C8orf34: variants seen among roughly 807,000 people sequenced by gnomAD.
C8orf34 encodes chromosome 8 open reading frame 34.
A neutral mutation model predicts 68.3 loss-of-function variants in C8orf34; 65 were observed. That is an observed-to-expected ratio of 0.95 (90% CI 0.78 to 1.17). The LOEUF is 1.17. C8orf34 is among the 50% of genes most tolerant of loss of function. C8orf34 has a pLI of 0.00. For missense variants in C8orf34, 664 were observed against 655.4 expected, an observed-to-expected ratio of 1.01 and a Z score of -0.14; for synonymous variants, 244 against 241.2, an observed-to-expected ratio of 1.01 and a Z score of -0.11.
intron 5 of C8orf34, among the ~76,000 whole-genome samples, chr8:68,515,835 A>AG (rs1453905734): frequency 6.6e-6 from 1 of 152,246 alleles, no homozygotes; most frequent in Non-Finnish European, 1.5e-5. Context: ...GCCTTCAGCC[A>AG]GTACACACAA....
intron 8 of C8orf34, among the ~76,000 whole-genome samples, chr8:68,690,808 A>G (rs993833302): frequency 2.0e-5 from 3 of 152,092 alleles, no homozygotes; most frequent in African/African-American, 4.8e-5. Flanking sequence ...CTTTTACGTT[A>G]GCTTGAACAA....
intron 8 of C8orf34, among the ~76,000 whole-genome samples, chr8:68,680,889 T>C (rs1158347651): frequency 6.6e-6 from 1 of 152,058 alleles, no homozygotes; most frequent in Non-Finnish European, 1.5e-5. Context: ...TCTCAGTCCT[T>C]ATCTCAATGG....
intron 10 of C8orf34, among the ~76,000 whole-genome samples, chr8:68,750,301 C>A (rs1306989748): frequency 1.3e-5 from 2 of 152,014 alleles, no homozygotes; most frequent in African/African-American, 4.8e-5. Flanking sequence ...TTGCATGCTG[C>A]AACATGGAAG....
intron 7 of C8orf34, among the ~76,000 whole-genome samples, chr8:68,630,860 G>C (rs1034699307): frequency 1.3e-5 from 2 of 151,476 alleles, no homozygotes; most frequent in Admixed American, 1.3e-4. Context: ...GCTCACTGCA[G>C]CCTCAACCTC....
At chr8:68,524,880 C>T (rs181512082) in intron 6 of C8orf34, among the ~76,000 whole-genome samples, 11 of 152,228 alleles carry the variant, frequency 7.2e-5, no homozygotes, top group African/African-American at 2.6e-4. Context: ...TAAATATGCT[C>T]ATTAAGCCTT....
chr8:68,391,758 T>C (rs1331292651), intron 1 of C8orf34, among the ~76,000 whole-genome samples: 3 of 152,094 alleles, frequency 2.0e-5, no homozygotes, highest in Non-Finnish European at 4.4e-5. Flanking sequence ...TCAGAACATA[T>C]CTAAAATGTG....
At chr8:68,797,889 C>CT (rs921431837) in intron 12 of C8orf34, among the ~76,000 whole-genome samples, 1 of 152,092 alleles carries the variant, frequency 6.6e-6, no homozygotes, top group African/African-American at 2.4e-5. Flanking sequence ...GACTTTGGTG[C>CT]TTTGTTAGTA....
At chr8:68,435,693 A>G (rs1464870445) in intron 1 of C8orf34, among the ~76,000 whole-genome samples, 4 of 152,152 alleles carry the variant, frequency 2.6e-5, no homozygotes, top group Non-Finnish European at 4.4e-5. Context: ...TTCACTGGGA[A>G]ACTCTAACTC....
intron 8 of C8orf34, among the ~76,000 whole-genome samples, chr8:68,650,196 G>C (rs866934311): frequency 1.3e-5 from 2 of 152,106 alleles, no homozygotes; most frequent in South Asian, 4.2e-4. Flanking sequence ...TGTCTGAGGT[G>C]ATACCCGAGG....
At chr8:68,445,429 T>G (rs1811080157) in intron 2 of C8orf34, among the ~76,000 whole-genome samples, 1 of 152,098 alleles carries the variant, frequency 6.6e-6, no homozygotes, top group Non-Finnish European at 1.5e-5. Flanking sequence ...TCAGGTGATA[T>G]GGGGATGAGG....
At chr8:68,575,574 A>G (rs1458549409) in intron 7 of C8orf34, among the ~76,000 whole-genome samples, 2 of 152,118 alleles carry the variant, frequency 1.3e-5, no homozygotes, top group African/African-American at 2.4e-5. Flanking sequence ...TTGAAGTAAA[A>G]ATAAATATAT....
chr8:68,570,271 T>G (rs941862999), intron 7 of C8orf34, among the ~76,000 whole-genome samples: 1 of 152,180 alleles, frequency 6.6e-6, no homozygotes. Context: ...TCCATATATA[T>G]TTGCAATTAC....
At chr8:68,549,526 T>C (rs1272933850) in intron 7 of C8orf34, among the ~76,000 whole-genome samples, 1 of 151,740 alleles carries the variant, frequency 6.6e-6, no homozygotes, top group African/African-American at 2.4e-5. Context: ...CATAATATTA[T>C]ACACTTAGTA....
At chr8:68,654,294 G>A (rs1379748871) in intron 8 of C8orf34, among the ~76,000 whole-genome samples, 1 of 152,140 alleles carries the variant, frequency 6.6e-6, no homozygotes, top group African/African-American at 2.4e-5. Flanking sequence ...TTCTGTTGTT[G>A]ATAAATTACC....
chr8:68,357,101 A>G (rs1258388495), intron 1 of C8orf34, among the ~76,000 whole-genome samples: 1 of 152,018 alleles, frequency 6.6e-6, no homozygotes, highest in African/African-American at 2.4e-5. Context: ...TGTTTTGGTC[A>G]TTTTATTTTT....
chr8:68,669,799 G>A (rs1178421493), intron 8 of C8orf34, among the ~76,000 whole-genome samples: 2 of 152,108 alleles, frequency 1.3e-5, no homozygotes, highest in Admixed American at 1.3e-4. Flanking sequence ...ACAGAAAATT[G>A]GAGTGATGGA....
intron 8 of C8orf34, among the ~76,000 whole-genome samples, chr8:68,687,289 G>T (rs1194134683): frequency 6.6e-6 from 1 of 151,868 alleles, no homozygotes; most frequent in African/African-American, 2.4e-5. Context: ...ACCAAAAAAA[G>T]AGCCTGAATA....
chr8:68,445,265 A>AGAGAAAAGACTTATGAGTG (rs1563444626), intron 2 of C8orf34, among the ~76,000 whole-genome samples: 1 of 151,892 alleles, frequency 6.6e-6, no homozygotes, highest in Non-Finnish European at 1.5e-5. Context: ...ATAAGTGAGT[A>AGAGAAAAGACTTATGAGTG]GCCAGAGAAA....
intron 7 of C8orf34, among the ~76,000 whole-genome samples, chr8:68,553,843 G>A (rs1339499729): frequency 1.3e-5 from 2 of 150,596 alleles, no homozygotes; most frequent in East Asian, 3.9e-4. Flanking sequence ...TGACTGTGAA[G>A]TAATAAATAT....
Sources: gnomAD v4.1 joint callset for allele counts (sites outside exome capture counted in the v4.1 genomes callset) on GRCh38, gnomAD v4.1.1 for gene constraint, MANE v1.5 for transcripts, NCBI Gene and HGNC (gene_info 2026-07-23, HGNC 2026-07-21) for gene names.